The following ZNF407 variants were observed in gnomAD, a reference collection of about 807,000 sequenced individuals.
ZNF407 encodes zinc finger protein 407.
Under a neutral mutation model 131.2 loss-of-function variants are expected in ZNF407, and 17 were observed. That is an observed-to-expected ratio of 0.13 (90% CI 0.09 to 0.19). ZNF407 has a LOEUF of 0.19. ZNF407 is among the 10% of genes least tolerant of loss of function. The probability of loss-of-function intolerance (pLI) is 1.00; values close to 1 mark genes in which losing one functional copy is unlikely to be tolerated. For synonymous variants in ZNF407, 1,156 were observed against 1,062.0 expected, an observed-to-expected ratio of 1.09 and a Z score of -1.72; for missense variants, 2,681 against 2,830.6, an observed-to-expected ratio of 0.95 and a Z score of 1.20.
chr18:74,643,348 A>G (rs2144693241), intron 3 of ZNF407, among the ~76,000 whole-genome samples: 1 of 152,202 alleles, frequency 6.6e-6, no homozygotes, highest in Non-Finnish European at 1.5e-5. Context: ...CTTTTACAAA[A>G]TCATGCTTTA....
At chr18:74,900,757 C>T (rs765309011) in intron 7 of ZNF407, among the ~76,000 whole-genome samples, 2 of 152,104 alleles carry the variant, frequency 1.3e-5, no homozygotes, top group Non-Finnish European at 2.9e-5. Flanking sequence ...TATTTACAGC[C>T]GTTCAATTTG....
At chr18:74,692,912 C>T (rs1967262166) in intron 3 of ZNF407, among the ~76,000 whole-genome samples, 1 of 152,162 alleles carries the variant, frequency 6.6e-6, no homozygotes, top group Admixed American at 6.6e-5. Context: ...AGAGAACTGC[C>T]TGTGGTAGCA....
At chr18:74,782,405 A>T (rs1292675190) in intron 4 of ZNF407, among the ~76,000 whole-genome samples, 1 of 152,104 alleles carries the variant, frequency 6.6e-6, no homozygotes, top group Non-Finnish European at 1.5e-5. Context: ...TTCTCTGTTA[A>T]TGGGAATTTA....
At chr18:75,032,081 G>A (rs1973246968) in intron 8 of ZNF407, among the ~76,000 whole-genome samples, 1 of 152,164 alleles carries the variant, frequency 6.6e-6, no homozygotes. Context: ...GTAGAGACCA[G>A]CGGAATCACA....
intron 4 of ZNF407, among the ~76,000 whole-genome samples, 168 bp from the exon 5 acceptor site, chr18:74,877,029 G>A (rs1237003709): frequency 6.6e-6 from 1 of 152,226 alleles, no homozygotes; most frequent in South Asian, 2.1e-4. Context: ...GCCAGGCCTC[G>A]ACAGAAAAAT....
In ZNF407 at chr18:74,738,656, G is replaced by A. The variant is rs1010674404; in HGVS notation, c.4803-42772G>A. 8.0e-5 allele frequency among the ~76,000 whole-genome samples: 12 copies of A among 150,464 alleles called. No homozygotes were observed. The South Asian group carries it at 1.3e-3, about 16-fold the overall frequency. Reference sequence around the variant, plus strand: ...TGTGAGGCTGGGGCAGGAGAATCGTGTGAACCTGGGAGGCGGAGGTTGCAG... The same window carrying A: ...TGTGAGGCTGGGGCAGGAGAATCGTATGAACCTGGGAGGCGGAGGTTGCAG... On this transcript the variant is annotated intron_variant, in intron 3 of 8. Coordinates refer to ENST00000299687, the MANE Select transcript of ZNF407 (RefSeq NM_017757.3).
chr18:74,987,284 T>C (rs1568292804), intron 8 of ZNF407, among the ~76,000 whole-genome samples: 1 of 152,210 alleles, frequency 6.6e-6, no homozygotes, highest in Non-Finnish European at 1.5e-5. Context: ...ACATTGATTT[T>C]ATAGCTCCTT....
intron 1 of ZNF407, among the ~76,000 whole-genome samples, chr18:74,616,292 C>T (rs1983286176): frequency 1.3e-5 from 2 of 152,278 alleles, no homozygotes; most frequent in Non-Finnish European, 1.5e-5. Context: ...CTTCTTAGTA[C>T]AGAGACATAG....
chr18:74,763,705 A>ATT (rs11340257), intron 3 of ZNF407, among the ~76,000 whole-genome samples: 13 of 70,190 alleles, frequency 1.9e-4, no homozygotes, highest in African/African-American at 5.7e-4. Context: ...CTTATCTTTG[A>ATT]TTTTTTTTTT....
intron 1 of ZNF407, among the ~76,000 whole-genome samples, chr18:74,623,621 T>A (rs899223808): frequency 1.3e-5 from 2 of 152,256 alleles, no homozygotes; most frequent in East Asian, 3.8e-4. Context: ...AGAAACGTCC[T>A]GTGAGAAGCG....
intron 3 of ZNF407, among the ~76,000 whole-genome samples, chr18:74,714,951 C>T (rs1401054235): frequency 1.3e-5 from 2 of 152,108 alleles, no homozygotes; most frequent in Non-Finnish European, 2.9e-5. Context: ...GACAGGGCGT[C>T]GCTCTGGATA....
At chr18:74,901,196 G>A (rs546057390) in intron 7 of ZNF407, among the ~76,000 whole-genome samples, 18 of 152,176 alleles carry the variant, frequency 1.2e-4, no homozygotes, top group East Asian at 1.9e-4. Flanking sequence ...TATTTTTTGC[G>A]TTCACTAGCA....
At chr18:74,823,068 T>C (rs545925288) in intron 4 of ZNF407, among the ~76,000 whole-genome samples, 3 of 152,288 alleles carry the variant, frequency 2.0e-5, no homozygotes, top group African/African-American at 7.2e-5. Flanking sequence ...GCTCTCCATT[T>C]GTCTGTTGTT....
chr18:74,938,524 A>G (rs1972063844), intron 8 of ZNF407, among the ~76,000 whole-genome samples: 1 of 152,048 alleles, frequency 6.6e-6, no homozygotes, highest in African/African-American at 2.4e-5. Context: ...ACCATTTTTT[A>G]AAATTTTATC....
Position 74,681,041 on chromosome 18 carries a change from C to T in ZNF407, c.4802+39919C>T, listed in dbSNP as rs188397872. On this transcript the variant is annotated intron_variant, in intron 3 of 8. Coordinates refer to ENST00000299687, the MANE Select transcript of ZNF407 (RefSeq NM_017757.3). ...ATAAAAATGTGGAGAGACAGAAGTT[C>T]ACCATGAACCAATAACTATAATACC... is the stretch of plus-strand genomic sequence containing the variant. Among the ~76,000 whole-genome samples, 5 of 152,208 alleles carry T rather than the reference C, an allele frequency of 3.3e-5. No individual in the cohort carries two copies. The East Asian group carries it at 9.7e-4, about 29-fold the overall frequency.
intron 2 of ZNF407, among the ~76,000 whole-genome samples, chr18:74,638,878 G>GA (rs961874234): frequency 6.6e-5 from 10 of 152,112 alleles, no homozygotes; most frequent in Non-Finnish European, 1.3e-4. Context: ...CTTAAAAACA[G>GA]AAATGTTATT....
intron 4 of ZNF407, among the ~76,000 whole-genome samples, chr18:74,851,024 G>T (rs1166598670): frequency 6.6e-6 from 1 of 152,190 alleles, no homozygotes; most frequent in Non-Finnish European, 1.5e-5. Flanking sequence ...TTGCCTGTCT[G>T]CTGTTACTTA....
intron 3 of ZNF407, among the ~76,000 whole-genome samples, chr18:74,759,737 AT>A (rs1250011465): frequency 1.4e-5 from 2 of 144,368 alleles, no homozygotes; most frequent in Admixed American, 1.4e-4. Context: ...GATAATCTTT[AT>A]TTGTTAACCC....
chr18:74,618,875 T>A (rs1599133879), intron 1 of ZNF407, among the ~76,000 whole-genome samples: 1 of 152,230 alleles, frequency 6.6e-6, no homozygotes, highest in East Asian at 1.9e-4. Flanking sequence ...AGATCCTTGA[T>A]ACCTAATAAT....
Sources: gnomAD v4.1 joint callset for allele counts (sites outside exome capture counted in the v4.1 genomes callset) on GRCh38, gnomAD v4.1.1 for gene constraint, MANE v1.5 for transcripts, NCBI Gene and HGNC (gene_info 2026-07-23, HGNC 2026-07-21) for gene names.